Variants in TUSC3 observed in about 807,000 individuals in gnomAD.
TUSC3 encodes the protein dolichyl-diphosphooligosaccharide--protein glycosyltransferase subunit TUSC3.
TUSC3 carries 45 observed loss-of-function variants against 44.8 expected under a neutral mutation model. The ratio of observed to expected loss-of-function variants is 1.00; its 90% CI spans 0.79 to 1.29. TUSC3 has a LOEUF of 1.29. Ranked by LOEUF, TUSC3 falls within the 50% of genes most tolerant of loss-of-function variation. The pLI is 0.00. For missense variants in TUSC3, 519 were observed against 437.9 expected (o/e 1.19, Z -1.65); for synonymous variants, 212 against 152.9 (o/e 1.39, Z -2.85).
chr8:15,628,788 T>C (rs918159350), intron 2 of TUSC3, among the ~76,000 whole-genome samples: 2 of 152,222 alleles, frequency 1.3e-5, no homozygotes, highest in Non-Finnish European at 2.9e-5. Flanking sequence ...ATGATGTTCT[T>C]TCCTAGTACT....
intron 1 of TUSC3, among the ~76,000 whole-genome samples, chr8:15,543,411 G>T (rs1033019997): frequency 3.9e-5 from 6 of 152,176 alleles, no homozygotes; most frequent in African/African-American, 1.2e-4. Context: ...TACCACCATG[G>T]ATGGATTTTT....
intron 1 of TUSC3, among the ~76,000 whole-genome samples, chr8:15,447,879 C>T (rs563349438): frequency 1.5e-4 from 22 of 151,072 alleles, no homozygotes; most frequent in Admixed American, 5.9e-4. Flanking sequence ...TATATCACAA[C>T]GTATTGTCAA....
intron 10 of TUSC3, among the ~76,000 whole-genome samples, chr8:15,759,763 C>G (rs796970591): frequency 1.4e-4 from 21 of 152,218 alleles, no homozygotes; most frequent in African/African-American, 5.1e-4. Flanking sequence ...CAAGTCCTGA[C>G]CTTTCTCATG....
intron 6 of TUSC3, among the ~76,000 whole-genome samples, chr8:15,724,794 G>A (rs184773): frequency 0.58 from 88,775 of 151,938 alleles, 26,791 homozygotes; most frequent in African/African-American, 0.73. Context: ...GATGGGAAAA[G>A]TTTGCATGTC....
At chr8:15,750,503 T>A (rs1194499347) in intron 9 of TUSC3, among the ~76,000 whole-genome samples, 1 of 152,080 alleles carries the variant, frequency 6.6e-6, no homozygotes, top group Non-Finnish European at 1.5e-5. Flanking sequence ...ATAGGAAGAG[T>A]TTAAGTTTGT....
At chr8:15,435,604 C>T (rs2129117540) in intron 1 of TUSC3, among the ~76,000 whole-genome samples, 1 of 152,198 alleles carries the variant, frequency 6.6e-6, no homozygotes, top group Middle Eastern at 3.4e-3. Context: ...TTAGAGGTAC[C>T]TGGTGCCTAA....
chr8:15,477,601 A>G (rs1278438555), intron 1 of TUSC3, among the ~76,000 whole-genome samples: 2 of 152,114 alleles, frequency 1.3e-5, no homozygotes, highest in African/African-American at 4.8e-5. Flanking sequence ...GGGTGGCTGT[A>G]GTCCCAGCTA....
At chr8:15,744,459 C>G (rs1164041643) in intron 8 of TUSC3, among the ~76,000 whole-genome samples, 1 of 151,982 alleles carries the variant, frequency 6.6e-6, no homozygotes, top group African/African-American at 2.4e-5. Context: ...TCTGAACTCT[C>G]TTTAAAACCC....
intron 1 of TUSC3, among the ~76,000 whole-genome samples, chr8:15,478,511 A>T (rs931909564): frequency 6.6e-6 from 1 of 152,112 alleles, no homozygotes; most frequent in South Asian, 2.1e-4. Context: ...CCCACTCATA[A>T]GTGAGAACAT....
At chr8:15,446,266 G>T (rs907697803) in intron 1 of TUSC3, among the ~76,000 whole-genome samples, 4 of 151,534 alleles carry the variant, frequency 2.6e-5, no homozygotes, top group Non-Finnish European at 1.5e-5. Flanking sequence ...GGGAAGAGGC[G>T]CTCCTCACTT....
At position 15,654,802 on chromosome 8, in the gene TUSC3, AAAT is replaced by A. The variant is rs200721279; in HGVS notation, c.426+3997_426+3999del. 7.6e-3 allele frequency among the ~76,000 whole-genome samples: 1,155 copies of A among 152,236 alleles called. 16 individuals are homozygous for A. Among genetic ancestry groups the A allele is most frequent in the African/African-American group, 0.027 (1,125 of 41,538 alleles). On this transcript the variant is annotated intron_variant, in intron 3 of 10. Coordinates refer to ENST00000503731, the MANE Select transcript of TUSC3 (RefSeq NM_006765.4). ...ACACAGCAAGACTCCATCTCAAAAA[AAAT>A]AATAATAAATAAAATAGTTTTCATT...
intron 1 of TUSC3, among the ~76,000 whole-genome samples, chr8:15,589,712 G>GTT (rs72007723): frequency 1.3e-5 from 2 of 151,758 alleles, no homozygotes; most frequent in African/African-American, 2.4e-5. Flanking sequence ...TGATTATTTT[G>GTT]TTTTTTGTAC....
chr8:15,533,039 C>T (rs1404965825), intron 2 of TUSC3, among the ~76,000 whole-genome samples: 1 of 152,202 alleles, frequency 6.6e-6, no homozygotes, highest in East Asian at 1.9e-4. Flanking sequence ...TGTTCCCCTG[C>T]CTTGGCCTCC....
Position 15,652,364 on chromosome 8 carries a change from C to T in TUSC3, c.426+1550C>T, listed in dbSNP as rs1053053354. On this transcript the variant is annotated intron_variant, in intron 3 of 10. Transcript: ENST00000503731. The stretch of plus-strand genomic sequence containing the variant: ...GCCAGTTTCTAGTTAAATAAATTCT[C>T]TCTTTTTGCCTTCAACATTCTTTTT... Among the ~76,000 whole-genome samples the T allele has an allele frequency of 3.9e-5, 6 of 152,240 alleles. No homozygotes were observed. The South Asian group carries it at 6.2e-4, about 16-fold the overall frequency.
chr8:15,504,276 C>G (rs1333731724), intron 2 of TUSC3, among the ~76,000 whole-genome samples: 1 of 151,966 alleles, frequency 6.6e-6, no homozygotes, highest in Non-Finnish European at 1.5e-5. Flanking sequence ...GAGATCCTAC[C>G]TCATAGACAT....
intron 2 of TUSC3, among the ~76,000 whole-genome samples, chr8:15,644,073 G>A (rs952080235): frequency 6.6e-6 from 1 of 152,020 alleles, no homozygotes; most frequent in African/African-American, 2.4e-5. Context: ...ATTCATCATG[G>A]GAAATAAATA....
chr8:15,694,535 A>G (rs1233933276), intron 6 of TUSC3, among the ~76,000 whole-genome samples: 3 of 150,756 alleles, frequency 2.0e-5, no homozygotes, highest in African/African-American at 7.3e-5. Flanking sequence ...GAGTTCTTGC[A>G]CTGGATGTTT....
chr8:15,638,457 T>C (rs1390092133), intron 2 of TUSC3, among the ~76,000 whole-genome samples: 1 of 151,934 alleles, frequency 6.6e-6, no homozygotes, highest in Non-Finnish European at 1.5e-5. Context: ...TAGGAGAAAT[T>C]GGAATCTGAC....
intron 1 of TUSC3, among the ~76,000 whole-genome samples, chr8:15,476,516 G>T (rs1800576998): frequency 6.6e-6 from 1 of 152,068 alleles, no homozygotes; most frequent in Non-Finnish European, 1.5e-5. Flanking sequence ...TCTTAAACGT[G>T]ATTTACAAAG....
Sources: allele counts gnomAD v4.1 joint callset (sites outside exome capture counted in the v4.1 genomes callset), GRCh38; gene constraint gnomAD v4.1.1; transcripts MANE v1.5; gene names NCBI Gene and HGNC (gene_info 2026-07-23, HGNC 2026-07-21).